The following GABRB2 variants were observed in gnomAD, a reference collection of about 807,000 sequenced individuals.
GABRB2 encodes the protein gamma-aminobutyric acid receptor subunit beta-2.
In GABRB2, 16 loss-of-function variants were observed where a neutral mutation model predicts 54.7. The ratio of observed to expected loss-of-function variants is 0.29; its 90% CI spans 0.20 to 0.44. The LOEUF (loss-of-function observed/expected upper bound fraction) is 0.44, where lower values mean the gene tolerates loss of function less well. Ranked by LOEUF, GABRB2 falls within the 20% of genes least tolerant of loss-of-function variation. The pLI is 1.00. For synonymous variants in GABRB2, 244 were observed against 233.8 expected, an observed-to-expected ratio of 1.04 and a Z score of -0.40; for missense variants, 355 against 644.0, an observed-to-expected ratio of 0.55 and a Z score of 4.86.
Position 161,307,580 on chromosome 5 carries a change from G to T in GABRB2, c.1192-13152C>A, listed in dbSNP as rs149169773. ...TGTTCCATTGCTTAGTTGAGCCTTC[G>T]TTTCTTCATCTTTCAAATGAAGTTC... On this transcript the variant is annotated intron_variant, in intron 9 of 9. Transcript: ENST00000393959. Among the ~76,000 whole-genome samples the T allele has an allele frequency of 6.6e-4, 100 of 152,166 alleles. No individual in the cohort carries two copies. In the East Asian group the frequency reaches 0.013, roughly 19 times the overall value.
chr5:161,483,298 C>T (rs1421276466), intron 3 of GABRB2, among the ~76,000 whole-genome samples: 1 of 151,992 alleles, frequency 6.6e-6, no homozygotes, highest in Non-Finnish European at 1.5e-5. Context: ...AGCCTGCAAG[C>T]TATACCAGGA....
At position 161,543,744 on chromosome 5, in the gene GABRB2, CA is replaced by C. The variant is rs576028707; in HGVS notation, c.237+1482del. Among the ~76,000 whole-genome samples the C allele has an allele frequency of 5.7e-3, 875 of 152,244 alleles. 4 individuals carry two copies. Among genetic ancestry groups the C allele is most frequent in the Admixed American group, 0.014 (208 of 15,290 alleles). ...AAATATAAACTGATAAAAGACCTTTCAAATTCACCAAAAGTGAATATTTGTA... is the reference window on the plus strand; with the variant it reads ...AAATATAAACTGATAAAAGACCTTTCAATTCACCAAAAGTGAATATTTGTA... On this transcript the variant is annotated intron_variant, in intron 3 of 9. Coordinates refer to ENST00000393959, the MANE Select transcript of GABRB2 (RefSeq NM_001371727.1).
At chr5:161,336,574 A>G in intron 6 of GABRB2, 58 bp downstream of exon 6, 1 of 1,583,192 alleles carries the variant, frequency 6.3e-7, no homozygotes, top group Non-Finnish European at 8.6e-7. Context: ...ATAAGTGAAC[A>G]TGTTTAACAA....
At chr5:161,446,576 A>G (rs79219180) in intron 4 of GABRB2, among the ~76,000 whole-genome samples, 9,448 of 152,144 alleles carry the variant, frequency 0.062, 328 homozygotes, top group Middle Eastern at 0.095. Context: ...CAGACTTGGA[A>G]CCTATCCCCA....
chr5:161,545,374 A>C (rs1581074436), intron 2 of GABRB2, 80 bp from the exon 3 acceptor site: 1 of 1,014,234 alleles, frequency 9.9e-7, no homozygotes, highest in South Asian at 2.2e-5. Flanking sequence ...AGCATAAGAC[A>C]CTCTGCCCAA....
intron 5 of GABRB2, among the ~76,000 whole-genome samples, chr5:161,388,002 G>T (rs2113496160): frequency 6.6e-6 from 1 of 152,140 alleles, no homozygotes; most frequent in Admixed American, 6.6e-5. Context: ...AATGTAGGTT[G>T]GTCACAATAC....
rs1757282550 is a variant in GABRB2, at chr5:161,293,184, A to G, written c.*897T>C. On this transcript the variant is annotated 3_prime_UTR_variant, in exon 10 of 10. Coordinates refer to ENST00000393959, the MANE Select transcript of GABRB2 (RefSeq NM_001371727.1). ...TAAAAACCTCTTTAGGTATGCTGTC[A>G]AAAGCTAGTGATGTTGGAAAAACAA... The G allele has an allele frequency of 6.6e-6, 1 of 152,220 alleles. No homozygotes were observed. Among genetic ancestry groups the G allele is most frequent in the African/African-American group, 2.4e-5 (1 of 41,462 alleles). The allele number at this position is 152,220 out of a possible 1,614,324, so 9.4% of individuals were successfully genotyped here. A position where few individuals can be genotyped will look rare whatever the true frequency, so the allele number is the denominator to read the frequency against.
chr5:161,457,768 G>A (rs1469537190), intron 4 of GABRB2, among the ~76,000 whole-genome samples: 1 of 152,082 alleles, frequency 6.6e-6, no homozygotes. Context: ...CAATTCTAAA[G>A]GCATTCTGAT....
chr5:161,469,889 T>G (rs2113294580), intron 3 of GABRB2, among the ~76,000 whole-genome samples: 1 of 151,838 alleles, frequency 6.6e-6, no homozygotes, highest in East Asian at 2.0e-4. Flanking sequence ...TTCACCTTTC[T>G]TCATCTCTAT....
At chr5:161,536,277 G>C (rs1159588651) in intron 3 of GABRB2, among the ~76,000 whole-genome samples, 1 of 152,076 alleles carries the variant, frequency 6.6e-6, no homozygotes, top group East Asian at 1.9e-4. Context: ...AAACGGAAGG[G>C]GGATGAGAGG....
intron 9 of GABRB2, among the ~76,000 whole-genome samples, chr5:161,300,471 T>G (rs1757504532): frequency 6.6e-6 from 1 of 152,228 alleles, no homozygotes; most frequent in Admixed American, 6.5e-5. Flanking sequence ...CAAAATCTTA[T>G]GACAAATAAG....
chr5:161,412,364 T>C (rs1293427231), intron 4 of GABRB2, among the ~76,000 whole-genome samples: 1 of 152,150 alleles, frequency 6.6e-6, no homozygotes, highest in Non-Finnish European at 1.5e-5. Context: ...TTCCTTCATT[T>C]CTTTCCCCAA....
intron 5 of GABRB2, among the ~76,000 whole-genome samples, chr5:161,382,222 C>T (rs1755490410): frequency 6.6e-6 from 1 of 152,172 alleles, no homozygotes; most frequent in African/African-American, 2.4e-5. Context: ...GGTTCAGTTC[C>T]CTCCAGTCCC....
At chr5:161,519,612 T>A (rs559338535) in intron 3 of GABRB2, among the ~76,000 whole-genome samples, 1 of 152,176 alleles carries the variant, frequency 6.6e-6, no homozygotes, top group Non-Finnish European at 1.5e-5. Flanking sequence ...TCATCAAAAA[T>A]TGAGGATTAA....
chr5:161,482,324 T>C (rs190347244), intron 3 of GABRB2, among the ~76,000 whole-genome samples: 31 of 152,158 alleles, frequency 2.0e-4, no homozygotes, highest in African/African-American at 7.5e-4. Flanking sequence ...TCTTTTTGGT[T>C]TCATGTAGTA....
At position 161,356,488 on chromosome 5, in the gene GABRB2, T is replaced by G. The variant is rs560580407; in HGVS notation, c.542-19719A>C. ...TGTCCTCATGTTTGGCATGGCTAAC[T>G]TTCCCTGGGTGGACATCTGTTTTAG... On this transcript the variant is annotated intron_variant, in intron 5 of 9. Transcript: ENST00000393959. Among the ~76,000 whole-genome samples the G allele has an allele frequency of 2.0e-5, 3 of 152,266 alleles. No homozygotes were observed. In the East Asian group the frequency reaches 5.8e-4, roughly 29 times the overall value.
chr5:161,354,758 C>A (rs1221924322), intron 5 of GABRB2, among the ~76,000 whole-genome samples: 3 of 152,028 alleles, frequency 2.0e-5, no homozygotes, highest in Non-Finnish European at 4.4e-5. Flanking sequence ...TTTACTTGAT[C>A]TGACTGTGTT....
At chr5:161,419,264 A>G (rs1375350769) in intron 4 of GABRB2, among the ~76,000 whole-genome samples, 2 of 152,222 alleles carry the variant, frequency 1.3e-5, no homozygotes, top group Non-Finnish European at 2.9e-5. Flanking sequence ...ATAAGATACC[A>G]TCTCATCCCA....
At chr5:161,306,572 G>C (rs1444923716) in intron 9 of GABRB2, among the ~76,000 whole-genome samples, 3 of 152,146 alleles carry the variant, frequency 2.0e-5, no homozygotes, top group Non-Finnish European at 4.4e-5. Flanking sequence ...CTTTTTCATA[G>C]GTGTGTGGGG....
Sources: gnomAD v4.1 joint callset for allele counts (sites outside exome capture counted in the v4.1 genomes callset) on GRCh38, gnomAD v4.1.1 for gene constraint, MANE v1.5 for transcripts, NCBI Gene and HGNC (gene_info 2026-07-23, HGNC 2026-07-21) for gene names.